WWTR1: variants seen among roughly 807,000 people sequenced by gnomAD.
WWTR1 encodes WW domain-containing transcription regulator protein 1.
WWTR1 carries 13 observed loss-of-function variants against 40.1 expected under a neutral mutation model. That is an observed-to-expected ratio of 0.32 (90% CI 0.21 to 0.52). The LOEUF (loss-of-function observed/expected upper bound fraction) is 0.52. Ranked by LOEUF, WWTR1 falls within the 20% of genes least tolerant of loss-of-function variation. The pLI, the probability that WWTR1 is intolerant of heterozygous loss-of-function variation, is 0.97. For synonymous variants in WWTR1, 230 were observed against 210.1 expected (o/e 1.09, Z -0.82); for missense variants, 436 against 523.1 (o/e 0.83, Z 1.63).
chr3:149,645,142 C>G (rs911189995), intron 2 of WWTR1, among the ~76,000 whole-genome samples: 1 of 104,222 alleles, frequency 9.6e-6, no homozygotes, highest in Non-Finnish European at 2.1e-5. Context: ...TGCAGTGGCG[C>G]GATCTCAGCT....
At chr3:149,714,889 A>T (rs933632016) in intron 5 of WWTR1, among the ~76,000 whole-genome samples, 1 of 152,016 alleles carries the variant, frequency 6.6e-6, no homozygotes, top group Non-Finnish European at 1.5e-5. Flanking sequence ...TCAGACTCGG[A>T]AGAGAGGATG....
chr3:149,543,580 C>CAAAAAAAAAAAAAAAAAA lies in WWTR1; in HGVS notation c.569-1061_569-1044dup, dbSNP rs755442408. On this transcript the variant is annotated intron_variant, in intron 3 of 6. Transcript: ENST00000360632. ...CTGGTGACAAAGAAAGACTCTGTCT[C>CAAAAAAAAAAAAAAAAAA]AAAAAAAAAAAAAAAAAAAAAAAGA... Among the ~76,000 whole-genome samples the CAAAAAAAAAAAAAAAAAA allele has an allele frequency of 1.5e-3, 48 of 31,218 alleles. 5 individuals carry two copies. The highest frequency in any genetic ancestry group is 2.1e-3 in the Non-Finnish European group (36 of 17,404). The allele number at this position is 31,218 out of a possible 152,430, so 20.5% of individuals were successfully genotyped here. A position where few individuals can be genotyped will look rare whatever the true frequency, so the allele number is the denominator to read the frequency against.
chr3:149,546,079 C>T (rs986037296), intron 3 of WWTR1, among the ~76,000 whole-genome samples: 2 of 152,182 alleles, frequency 1.3e-5, no homozygotes, highest in East Asian at 3.9e-4. Context: ...TGGAGAGGAG[C>T]TCTTCCCAAG....
chr3:149,572,818 CA>C (rs74270317), intron 3 of WWTR1, 45 bp downstream of exon 3: 197,231 of 1,387,800 alleles, frequency 0.14, 12,308 homozygotes, highest in African/African-American at 0.16. Flanking sequence ...CCCAACTCTA[CA>C]AAAAAAAAAT....
At chr3:149,645,547 A>G (rs1450005528) in intron 2 of WWTR1, among the ~76,000 whole-genome samples, 1 of 152,246 alleles carries the variant, frequency 6.6e-6, no homozygotes, top group Non-Finnish European at 1.5e-5. Flanking sequence ...AACAAAAGCC[A>G]GCTTTTTAAA....
rs115715151 is a variant in WWTR1 at position 149,598,619 on chromosome 3, G to A, written c.432-25619C>T. On this transcript the variant is annotated intron_variant, in intron 2 of 6. Coordinates refer to ENST00000360632, the MANE Select transcript of WWTR1 (RefSeq NM_015472.6). Reference sequence around the variant, plus strand: ...TTTTTCTAATGCATGTTTTTTCCATGGCTGTGACCATATTGTGGAAAATGC... The same window carrying A: ...TTTTTCTAATGCATGTTTTTTCCATAGCTGTGACCATATTGTGGAAAATGC... Among the ~76,000 whole-genome samples the A allele has an allele frequency of 2.5e-3, 373 of 152,118 alleles. 2 individuals are homozygous for A. The highest frequency in any genetic ancestry group is 4.7e-3 in the Non-Finnish European group (319 of 67,998).
intron 3 of WWTR1, among the ~76,000 whole-genome samples, chr3:149,559,884 CAT>C (rs1737010998): frequency 6.6e-6 from 1 of 152,178 alleles, no homozygotes; most frequent in Admixed American, 6.5e-5. Flanking sequence ...AATTTTAAAA[CAT>C]AGACAGCCTA....
rs139375923 is a variant in WWTR1 at position 149,622,510 on chromosome 3, A to G, written c.431+34366T>C. Among the ~76,000 whole-genome samples the G allele has an allele frequency of 5.0e-3, 564 of 113,284 alleles. 1 individual carries two copies. The highest frequency in any genetic ancestry group is 6.5e-3 in the Non-Finnish European group (322 of 49,870). The allele number at this position is 113,284 out of a possible 152,430, so 74.3% of individuals were successfully genotyped here. A position where few individuals can be genotyped will look rare whatever the true frequency, so the allele number is the denominator to read the frequency against. On this transcript the variant is annotated intron_variant, in intron 2 of 6. Coordinates refer to ENST00000360632, the MANE Select transcript of WWTR1 (RefSeq NM_015472.6). ...GGAAGGAAGGAAGGAAGGAAGAAAGAAAGAAAGAAAGAAAGAAAGAAAGAA... is the reference window on the plus strand; with the variant it reads ...GGAAGGAAGGAAGGAAGGAAGAAAGGAAGAAAGAAAGAAAGAAAGAAAGAA...
intron 2 of WWTR1, 116 bp from the exon 3 acceptor site, chr3:149,573,116 G>T: frequency 8.7e-7 from 1 of 1,150,418 alleles, no homozygotes; most frequent in Non-Finnish European, 1.2e-6. Context: ...TGCTTGAGTG[G>T]TTGATAGATT....
Position 149,558,792 on chromosome 3 carries a change from C to T in WWTR1, c.568+14072G>A, listed in dbSNP as rs142249316. 1.1e-4 allele frequency among the ~76,000 whole-genome samples: 17 copies of T among 152,206 alleles called. No homozygotes were observed. In the East Asian group the frequency reaches 1.4e-3, roughly 12 times the overall value. ...ATGTCAAGGTCCAGAACACAAGGACCGAAGACTTGTTCCAAATTAGAAGAG... is the reference window on the plus strand; with the variant it reads ...ATGTCAAGGTCCAGAACACAAGGACTGAAGACTTGTTCCAAATTAGAAGAG... On this transcript the variant is annotated intron_variant, in intron 3 of 6. Coordinates refer to ENST00000360632, the MANE Select transcript of WWTR1 (RefSeq NM_015472.6).
At chr3:149,640,795 G>A (rs1323130988) in intron 2 of WWTR1, among the ~76,000 whole-genome samples, 2 of 151,866 alleles carry the variant, frequency 1.3e-5, no homozygotes. Flanking sequence ...ATTATTTATA[G>A]CCAATAAACT....
chr3:149,607,221 TGAG>T (rs1256135616), intron 2 of WWTR1, among the ~76,000 whole-genome samples: 2 of 152,234 alleles, frequency 1.3e-5, no homozygotes, highest in African/African-American at 4.8e-5. Flanking sequence ...TCTTTTTTTA[TGAG>T]GAGAAATGTG....
At chr3:149,654,242 C>T (rs1054860932) in intron 2 of WWTR1, among the ~76,000 whole-genome samples, 9 of 152,166 alleles carry the variant, frequency 5.9e-5, no homozygotes, top group Non-Finnish European at 1.2e-4. Flanking sequence ...TTTCAAGCTT[C>T]TACTTAATCC....
At chr3:149,630,930 T>C (rs1369173491) in intron 2 of WWTR1, among the ~76,000 whole-genome samples, 1 of 152,182 alleles carries the variant, frequency 6.6e-6, no homozygotes. Context: ...CACAATCTAA[T>C]GATGGAAAGG....
In WWTR1 at chr3:149,645,326, G is replaced by A. The variant is rs551569723; in HGVS notation, c.431+11550C>T. Among the ~76,000 whole-genome samples the A allele has an allele frequency of 8.7e-4, 132 of 152,018 alleles. No individual in the cohort carries two copies. In the South Asian group the frequency reaches 9.2e-3, roughly 11 times the overall value. On this transcript the variant is annotated intron_variant, in intron 2 of 6. Transcript: ENST00000360632. ...GATCTCCTGACCTCGTGATCTGCCC[G>A]CCTCGGCCTCCCAAAGTGCTGGGAT...
At chr3:149,719,104 A>C (rs1446057912) in intron 4 of WWTR1, among the ~76,000 whole-genome samples, 2 of 150,510 alleles carry the variant, frequency 1.3e-5, no homozygotes, top group African/African-American at 4.9e-5. Flanking sequence ...GGGATTACAG[A>C]TGTGAGGCAC....
chr3:149,602,939 C>T (rs938188395), intron 2 of WWTR1, among the ~76,000 whole-genome samples: 4 of 152,102 alleles, frequency 2.6e-5, no homozygotes, highest in Admixed American at 6.6e-5. Context: ...AGATGATAGG[C>T]ATGAGCCACT....
chr3:149,552,487 C>T (rs1011494979), intron 3 of WWTR1, among the ~76,000 whole-genome samples: 8 of 135,652 alleles, frequency 5.9e-5, no homozygotes, highest in African/African-American at 2.0e-4. Context: ...CAACGCCTCA[C>T]CCATAACTCA....
chr3:149,634,606 A>G (rs1711717356), intron 2 of WWTR1, among the ~76,000 whole-genome samples: 1 of 152,252 alleles, frequency 6.6e-6, no homozygotes, highest in Non-Finnish European at 1.5e-5. Flanking sequence ...ACCAAGGTCC[A>G]TGCACAATAA....
Sources: allele counts gnomAD v4.1 joint callset (sites outside exome capture counted in the v4.1 genomes callset), GRCh38; gene constraint gnomAD v4.1.1; transcripts MANE v1.5; gene names NCBI Gene and HGNC (gene_info 2026-07-23, HGNC 2026-07-21).